The following SMAGP variants were observed in gnomAD, a reference collection of about 807,000 sequenced individuals.
SMAGP encodes the protein small cell adhesion glycoprotein, also known as small cell transmembrane and glycosylated protein.
In SMAGP, 7 loss-of-function variants were observed where a neutral mutation model predicts 10.1. The ratio of observed to expected loss-of-function variants is 0.70; its 90% CI spans 0.40 to 1.31. SMAGP has a LOEUF of 1.31. Among genes scored for constraint, SMAGP ranks in the 50% most tolerant of loss-of-function variants. The pLI, the probability that SMAGP is intolerant of heterozygous loss-of-function variation, is 0.01. For synonymous variants in SMAGP, 49 were observed against 47.2 expected, an observed-to-expected ratio of 1.04 and a Z score of -0.16; for missense variants, 113 against 116.5, an observed-to-expected ratio of 0.97 and a Z score of 0.14.
intron 2 of SMAGP, among the ~76,000 whole-genome samples, chr12:51,262,657 C>T (rs529145388): frequency 6.6e-6 from 1 of 152,252 alleles, no homozygotes; most frequent in East Asian, 1.9e-4. Flanking sequence ...CTTCCCTGCT[C>T]AGGTTCATAA....
chr12:51,249,792 T>G (rs1349269233), intron 2 of SMAGP, among the ~76,000 whole-genome samples: 1 of 151,708 alleles, frequency 6.6e-6, no homozygotes, highest in African/African-American at 2.4e-5. Flanking sequence ...AATTTTTGTA[T>G]TTTCAGTAGA....
At chr12:51,268,696 G>C (rs576471721) in intron 2 of SMAGP, among the ~76,000 whole-genome samples, 43 of 148,168 alleles carry the variant, frequency 2.9e-4, no homozygotes, top group African/African-American at 1.0e-3. Context: ...CGATTCCCAT[G>C]CCTCAGCCTC....
chr12:51,270,247 C>G lies in SMAGP; in HGVS notation c.-39+9G>C, dbSNP rs990464538. 6.5e-6 allele frequency: 1 copy of G among 153,436 alleles called. No individual in the cohort carries two copies. Among genetic ancestry groups the G allele is most frequent in the Non-Finnish European group, 1.5e-5 (1 of 68,692 alleles). The allele number at this position is 153,436 out of a possible 1,614,324, so 9.5% of individuals were successfully genotyped here. On this transcript the variant is annotated intron_variant, in intron 1 of 3. Transcript: ENST00000603798. ...CTCTCCGGCGCCCCCGCCCTTCCCT[C>G]GTGCTCACCTTTCCAGTCGGACGGG...
intron 2 of SMAGP, 116 bp downstream of exon 2, chr12:51,269,129 G>A (rs1046961412): frequency 1.2e-5 from 13 of 1,116,994 alleles, no homozygotes; most frequent in Non-Finnish European, 1.1e-5. Context: ...TCCTGTGTGA[G>A]GCAGGCAGAG....
At chr12:51,246,604 C>CTGTGTGTGTGTGTGTGTG (rs59561227) in intron 3 of SMAGP, 147 bp downstream of exon 3, 42 of 338,210 alleles carry the variant, frequency 1.2e-4, no homozygotes, top group African/African-American at 8.1e-4. Flanking sequence ...TCTTTTATGG[C>CTGTGTGTGTGTGTGTGTG]TGTGTGTGTG....
At chr12:51,267,477 A>T (rs201307295) in intron 2 of SMAGP, among the ~76,000 whole-genome samples, 3 of 58,630 alleles carry the variant, frequency 5.1e-5, no homozygotes, top group Non-Finnish European at 1.1e-4. Flanking sequence ...CCCCCCCCCC[A>T]CTCCGTGTCC....
chr12:51,254,358 C>T lies in SMAGP; in HGVS notation c.35-7527G>A, dbSNP rs554929871. On this transcript the variant is annotated intron_variant, in intron 2 of 3. Transcript: ENST00000603798. ...GGTCAGGAGTTTGGCACCAGCCTGA[C>T]CAACATGGCAAAACCCCGTCTCTAC... Among the ~76,000 whole-genome samples, 14 of 152,138 alleles carry T rather than the reference C, an allele frequency of 9.2e-5. No homozygotes were observed. The South Asian group carries it at 2.7e-3, about 29-fold the overall frequency.
chr12:51,254,867 A>G (rs1944872164), intron 2 of SMAGP, among the ~76,000 whole-genome samples: 1 of 152,182 alleles, frequency 6.6e-6, no homozygotes, highest in East Asian at 1.9e-4. Context: ...TTAAATGCAC[A>G]GTATGGAGGC....
At chr12:51,254,068 G>A (rs937794751) in intron 2 of SMAGP, among the ~76,000 whole-genome samples, 6 of 152,152 alleles carry the variant, frequency 3.9e-5, no homozygotes, top group Non-Finnish European at 8.8e-5. Context: ...AGTTTGGGAG[G>A]ATGAAAAAGT....
chr12:51,249,105 A>C (rs192925002), intron 2 of SMAGP, among the ~76,000 whole-genome samples: 2 of 152,058 alleles, frequency 1.3e-5, no homozygotes, highest in African/African-American at 2.4e-5. Flanking sequence ...ACAAAACCCC[A>C]AAAACAACTA....
At chr12:51,248,900 CAAAAAAAAAAAAA>C (rs545881552) in intron 2 of SMAGP, among the ~76,000 whole-genome samples, 54,794 of 98,084 alleles carry the variant, frequency 0.56, 13,463 homozygotes, top group Middle Eastern at 0.7. Context: ...AAAAATACCA[CAAAAAAAAAAAAA>C]AAAAAAAAAA....
chr12:51,256,541 G>A (rs1391484737), intron 2 of SMAGP, among the ~76,000 whole-genome samples: 1 of 152,138 alleles, frequency 6.6e-6, no homozygotes, highest in Non-Finnish European at 1.5e-5. Context: ...GACCAACATG[G>A]AGAAACCCCA....
chr12:51,252,718 G>A (rs756393854), intron 2 of SMAGP, among the ~76,000 whole-genome samples: 1 of 151,894 alleles, frequency 6.6e-6, no homozygotes, highest in Non-Finnish European at 1.5e-5. Context: ...CATTATATTT[G>A]CAACAAGAAC....
At chr12:51,259,751 T>C (rs1182145008) in intron 2 of SMAGP, among the ~76,000 whole-genome samples, 5 of 152,094 alleles carry the variant, frequency 3.3e-5, no homozygotes, top group African/African-American at 4.8e-5. Flanking sequence ...TCTTGTTCTG[T>C]CACCCAGGCT....
intron 1 of SMAGP, 60 bp from the exon 2 acceptor site, chr12:51,269,376 TG>T: frequency 2.1e-6 from 3 of 1,397,078 alleles, no homozygotes; most frequent in East Asian, 2.3e-5. Context: ...CTTTGAGTCC[TG>T]GAAGTCCCAG....
chr12:51,266,371 A>G (rs764439131), intron 2 of SMAGP, among the ~76,000 whole-genome samples: 27 of 152,016 alleles, frequency 1.8e-4, no homozygotes, highest in Non-Finnish European at 3.2e-4. Flanking sequence ...CTTATTTTAC[A>G]TGACAGTGGC....
At chr12:51,266,587 AT>A (rs2137311973) in intron 2 of SMAGP, among the ~76,000 whole-genome samples, 1 of 151,990 alleles carries the variant, frequency 6.6e-6, no homozygotes, top group East Asian at 1.9e-4. Context: ...TAGTTGTTCT[AT>A]TTTATTATTA....
chr12:51,248,424 ACACACACACACTCTCTCTCTCTCTCTCT>A (rs1944801736), intron 2 of SMAGP, among the ~76,000 whole-genome samples: 1 of 112,362 alleles, frequency 8.9e-6, no homozygotes, highest in African/African-American at 3.5e-5. Flanking sequence ...ACACACACAC[ACACACACACACTCTCTCTCTCTCTCTCT>A]CTCTCTCTCT....
In SMAGP at chr12:51,245,584, G is replaced by A; in HGVS notation, c.*357C>T. 4.8e-6 allele frequency: 1 copy of A among 206,692 alleles called. No homozygotes were observed. Among genetic ancestry groups the A allele is most frequent in the South Asian group, 9.0e-5 (1 of 11,130 alleles). 12.8% of individuals were successfully genotyped at this position (206,692 alleles called of 1,614,324 possible). A position where few individuals can be genotyped will look rare whatever the true frequency, so the allele number is the denominator to read the frequency against. ...GGCTATCACTAGGTGACCAGGTAGG[G>A]GACAGAGTAGAGCAGCCAATGACCT... is the stretch of plus-strand genomic sequence containing the variant. On this transcript the variant is annotated 3_prime_UTR_variant, in exon 4 of 4. Coordinates refer to ENST00000603798, the MANE Select transcript of SMAGP (RefSeq NM_001031628.2).
Sources: gnomAD v4.1 joint callset for allele counts (sites outside exome capture counted in the v4.1 genomes callset) on GRCh38, gnomAD v4.1.1 for gene constraint, MANE v1.5 for transcripts, NCBI Gene and HGNC (gene_info 2026-07-23, HGNC 2026-07-21) for gene names.